The following LEF1 variants were observed in gnomAD, a reference collection of about 807,000 sequenced individuals.
The protein encoded by LEF1 is lymphoid enhancer-binding factor 1.
In LEF1, 14 loss-of-function variants were observed where a neutral mutation model predicts 51.2. The ratio of observed to expected loss-of-function variants is 0.27; its 90% CI spans 0.18 to 0.43. The LOEUF (loss-of-function observed/expected upper bound fraction) is 0.43, where lower values mean the gene tolerates loss of function less well. Among genes scored for constraint, LEF1 ranks in the 20% least tolerant of loss-of-function variants. The pLI is 1.00. For synonymous variants in LEF1, 185 were observed against 183.2 expected (o/e 1.01, Z -0.08); for missense variants, 386 against 512.0 (o/e 0.75, Z 2.37).
intron 3 of LEF1, among the ~76,000 whole-genome samples, chr4:108,116,095 T>C (rs765915086): frequency 6.6e-6 from 1 of 152,136 alleles, no homozygotes; most frequent in Non-Finnish European, 1.5e-5. Context: ...AGATTTTGAC[T>C]CTGAGGTAAA....
intron 3 of LEF1, among the ~76,000 whole-genome samples, chr4:108,146,122 G>A (rs1283781205): frequency 6.6e-6 from 1 of 152,230 alleles, no homozygotes; most frequent in African/African-American, 2.4e-5. Flanking sequence ...CAGAGGAAAA[G>A]CTCTCCTGGA....
rs1326345518 is a variant in LEF1 at position 108,157,177 on chromosome 4, T to TACACACACACACACAC, written c.414+6390_414+6391insGTGTGTGTGTGTGTGT. The stretch of plus-strand genomic sequence containing the variant: ...CTCTCTCTCTCTCTCTCTATATATA[T>TACACACACACACACAC]ATACACACACACACACACACACACA... On this transcript the variant is annotated intron_variant, in intron 3 of 11. Coordinates refer to ENST00000265165, the MANE Select transcript of LEF1 (RefSeq NM_016269.5). Among the ~76,000 whole-genome samples the TACACACACACACACAC allele has an allele frequency of 9.1e-3, 810 of 89,252 alleles. 11 individuals are homozygous for TACACACACACACACAC. The highest frequency in any genetic ancestry group is 0.018 in the African/African-American group (466 of 26,606). The allele number at this position is 89,252 out of a possible 152,430, so 58.6% of individuals were successfully genotyped here.
intron 3 of LEF1, among the ~76,000 whole-genome samples, chr4:108,115,445 T>C (rs1741773966): frequency 6.6e-6 from 1 of 152,234 alleles, no homozygotes; most frequent in East Asian, 1.9e-4. Context: ...GTTCACATTA[T>C]TGGTCTTGCT....
At chr4:108,153,165 A>G (rs1437577761) in intron 3 of LEF1, among the ~76,000 whole-genome samples, 1 of 152,130 alleles carries the variant, frequency 6.6e-6, no homozygotes, top group African/African-American at 2.4e-5. Context: ...CTCTTTGGCA[A>G]CCTAGAAGCA....
intron 3 of LEF1, among the ~76,000 whole-genome samples, chr4:108,136,944 T>C (rs17038636): frequency 0.049 from 7,536 of 152,258 alleles, 611 homozygotes; most frequent in African/African-American, 0.17. Flanking sequence ...CTGGTCATTT[T>C]TGCTAAGGAT....
intron 3 of LEF1, among the ~76,000 whole-genome samples, chr4:108,114,226 T>C (rs545219358): frequency 6.6e-6 from 1 of 152,296 alleles, no homozygotes; most frequent in Admixed American, 6.5e-5. Context: ...CTCTTCTTTA[T>C]TGTTAACCCA....
chr4:108,070,311 C>G, intron 9 of LEF1: 1 of 160,378 alleles, frequency 6.2e-6, no homozygotes, highest in Non-Finnish European at 1.4e-5. Context: ...AAAAAAACCA[C>G]GCATAGAAAA....
intron 3 of LEF1, among the ~76,000 whole-genome samples, chr4:108,121,459 A>C (rs1004326396): frequency 6.6e-6 from 1 of 152,226 alleles, no homozygotes. Flanking sequence ...TGATATACTC[A>C]ACAAAAGGAG....
In LEF1 at chr4:108,072,679, G is replaced by A. The variant is rs145455922; in HGVS notation, c.1009-1909C>T. 5.3e-3 allele frequency among the ~76,000 whole-genome samples: 805 copies of A among 152,282 alleles called. 11 individuals are homozygous for A. Among genetic ancestry groups the A allele is most frequent in the Middle Eastern group, 0.01 (3 of 294 alleles). On this transcript the variant is annotated intron_variant, in intron 8 of 11. Coordinates refer to ENST00000265165, the MANE Select transcript of LEF1 (RefSeq NM_016269.5). ...ACAAAACAAAACAACCCTGGAAACA[G>A]TTACCTTAAGTACAGTTCTTTGTAC...
At chr4:108,051,322 C>T (rs1736977106) in intron 11 of LEF1, among the ~76,000 whole-genome samples, 1 of 152,038 alleles carries the variant, frequency 6.6e-6, no homozygotes, top group African/African-American at 2.4e-5. Flanking sequence ...TCCCTGGTGG[C>T]TCTTTTAAAA....
chr4:108,166,664 T>A (rs541597711), intron 1 of LEF1: 3 of 1,004,650 alleles, frequency 3.0e-6, no homozygotes, highest in Admixed American at 1.2e-4. Context: ...TTACCAGCTC[T>A]ATCGCCCGCA....
intron 8 of LEF1, chr4:108,071,681 C>A (rs915248524): frequency 6.6e-6 from 1 of 152,216 alleles, no homozygotes; most frequent in African/African-American, 2.4e-5. Flanking sequence ...AGACAGTGTT[C>A]ATGTATTTTC....
chr4:108,124,083 G>A (rs1253448670), intron 3 of LEF1, among the ~76,000 whole-genome samples: 1 of 152,102 alleles, frequency 6.6e-6, no homozygotes, highest in Non-Finnish European at 1.5e-5. Flanking sequence ...AGGAGGTTGA[G>A]GCTTCAGTGA....
chr4:108,137,228 C>A (rs931025030), intron 3 of LEF1, among the ~76,000 whole-genome samples: 1 of 151,984 alleles, frequency 6.6e-6, no homozygotes, highest in Admixed American at 6.6e-5. Flanking sequence ...ATTGCAAAGG[C>A]GTAAGAATAA....
intron 8 of LEF1, among the ~76,000 whole-genome samples, chr4:108,073,495 AT>A (rs767710070): frequency 4.5e-4 from 68 of 152,350 alleles, no homozygotes; most frequent in Non-Finnish European, 5.0e-4. Flanking sequence ...GACAAAAAAA[AT>A]AAAAGAAGAC....
At chr4:108,109,956 G>A (rs981926623) in intron 3 of LEF1, among the ~76,000 whole-genome samples, 3 of 152,238 alleles carry the variant, frequency 2.0e-5, no homozygotes, top group Middle Eastern at 3.4e-3. Context: ...TGAAGTTCAC[G>A]GGAGCTTTAC....
At chr4:108,097,448 T>C (rs535491746) in intron 3 of LEF1, among the ~76,000 whole-genome samples, 1 of 152,028 alleles carries the variant, frequency 6.6e-6, no homozygotes, top group South Asian at 2.1e-4. Flanking sequence ...GGAATGGGGG[T>C]TGGGTGAGTG....
Position 108,086,823 on chromosome 4 carries a change from C to T in LEF1, c.547+2302G>A, listed in dbSNP as rs559219632. On this transcript the variant is annotated intron_variant, in intron 4 of 11. Transcript: ENST00000265165. ...ATTAATGTACTGTCCCTTACACACA[C>T]ACACTTACACACACACACACACACA... is the stretch of plus-strand genomic sequence containing the variant. Among the ~76,000 whole-genome samples, 31 of 117,636 alleles carry T rather than the reference C, an allele frequency of 2.6e-4. No homozygotes were observed. The East Asian group carries it at 0.011, about 43-fold the overall frequency. 77.2% of individuals were successfully genotyped at this position (117,636 alleles called of 152,430 possible). A position where few individuals can be genotyped will look rare whatever the true frequency, so the allele number is the denominator to read the frequency against.
chr4:108,048,143 C>T lies in LEF1; in HGVS notation c.*615G>A, dbSNP rs1736741200. On this transcript the variant is annotated 3_prime_UTR_variant, in exon 12 of 12. Coordinates refer to ENST00000265165, the MANE Select transcript of LEF1 (RefSeq NM_016269.5). ...AAAAGCTCATAGCTAGCAAAATATACAAGAAAATTAAAACTAAAAAGTGTA... is the reference window on the plus strand; with the variant it reads ...AAAAGCTCATAGCTAGCAAAATATATAAGAAAATTAAAACTAAAAAGTGTA... 6.7e-6 allele frequency: 1 copy of T among 148,492 alleles called. No individual in the cohort carries two copies. The highest frequency in any genetic ancestry group is 2.2e-4 in the South Asian group (1 of 4,606). 9.2% of individuals were successfully genotyped at this position (148,492 alleles called of 1,614,324 possible).
Sources: allele counts gnomAD v4.1 joint callset (sites outside exome capture counted in the v4.1 genomes callset), GRCh38; gene constraint gnomAD v4.1.1; transcripts MANE v1.5; gene names NCBI Gene and HGNC (gene_info 2026-07-23, HGNC 2026-07-21).